Variants in AKAP19 observed in about 807,000 individuals in gnomAD.
AKAP19 encodes A-kinase anchoring protein 19, also known as small A-kinase anchoring protein.
the AKAP19 span, among the ~76,000 whole-genome samples, chr2:190,140,243 G>A: frequency 6.6e-6 from 1 of 152,132 alleles, no homozygotes; most frequent in Non-Finnish European, 1.5e-5. Flanking sequence ...GGCTGCTGTT[G>A]GGTGTCTGTG....
chr2:190,190,478 C>A, the AKAP19 span, among the ~76,000 whole-genome samples: 1 of 152,078 alleles, frequency 6.6e-6, no homozygotes, highest in African/African-American at 2.4e-5. Flanking sequence ...GGGTTGTTTC[C>A]AGCTTTGACT....
chr2:189,911,428 G>A, the AKAP19 span, among the ~76,000 whole-genome samples: 1 of 151,980 alleles, frequency 6.6e-6, no homozygotes, highest in Non-Finnish European at 1.5e-5. Context: ...AATTTTTCAA[G>A]CCACAGCTGT....
the AKAP19 span, among the ~76,000 whole-genome samples, chr2:190,025,667 G>A: frequency 1.1e-4 from 16 of 152,146 alleles, 1 homozygote; most frequent in Admixed American, 7.9e-4. Context: ...CCATTTCTGC[G>A]CAATACCAGA....
the AKAP19 span, among the ~76,000 whole-genome samples, chr2:190,114,055 T>C: frequency 1.8e-4 from 28 of 152,340 alleles, no homozygotes; most frequent in African/African-American, 6.3e-4. Context: ...TACTCTTAGG[T>C]TACTATACCA....
chr2:190,019,756 G>A, the AKAP19 span, among the ~76,000 whole-genome samples: 1 of 152,096 alleles, frequency 6.6e-6, no homozygotes, highest in African/African-American at 2.4e-5. Flanking sequence ...TAGAAACTGT[G>A]GGCCCAGGAT....
At chr2:190,158,909 C>T in the AKAP19 span, among the ~76,000 whole-genome samples, 1,505 of 152,304 alleles carry the variant, frequency 9.9e-3, 14 homozygotes, top group South Asian at 0.026. Context: ...GAAGGGCTAT[C>T]CTCAGGGGAG....
chr2:190,129,164 G>A, the AKAP19 span, among the ~76,000 whole-genome samples: 1 of 152,100 alleles, frequency 6.6e-6, no homozygotes, highest in South Asian at 2.1e-4. Context: ...TTTAATAGCT[G>A]TAGAGTACTC....
At chr2:189,880,444 A>G in the AKAP19 span, among the ~76,000 whole-genome samples, 43 of 152,308 alleles carry the variant, frequency 2.8e-4, no homozygotes, top group African/African-American at 9.9e-4. Context: ...GCCTTTCTCC[A>G]AAGATGATTT....
the AKAP19 span, among the ~76,000 whole-genome samples, chr2:190,139,249 A>G: frequency 6.6e-6 from 1 of 152,186 alleles, no homozygotes; most frequent in African/African-American, 2.4e-5. Flanking sequence ...TTAAAGTTAC[A>G]GTAGAAGGAT....
At chr2:190,120,428 G>A in the AKAP19 span, among the ~76,000 whole-genome samples, 1 of 152,180 alleles carries the variant, frequency 6.6e-6, no homozygotes, top group East Asian at 1.9e-4. Context: ...CAGTCTTAGA[G>A]ATATTTGATG....
chr2:189,920,122 C>T, the AKAP19 span, among the ~76,000 whole-genome samples: 1 of 152,192 alleles, frequency 6.6e-6, no homozygotes, highest in Admixed American at 6.5e-5. Context: ...ACCATATATT[C>T]TCAGTTTGGT....
At chr2:189,947,551 T>A in the AKAP19 span, among the ~76,000 whole-genome samples, 1 of 152,126 alleles carries the variant, frequency 6.6e-6, no homozygotes, top group South Asian at 2.1e-4. Flanking sequence ...CTGGATGTGA[T>A]CTTGGGCTAG....
chr2:190,042,971 T>C, the AKAP19 span, among the ~76,000 whole-genome samples: 1 of 152,232 alleles, frequency 6.6e-6, no homozygotes, highest in Non-Finnish European at 1.5e-5. Context: ...TGGCTGGATA[T>C]GAAATTTGTG....
At chr2:190,034,807 T>C in the AKAP19 span, among the ~76,000 whole-genome samples, 2 of 131,316 alleles carry the variant, frequency 1.5e-5, no homozygotes, top group Non-Finnish European at 3.1e-5. Context: ...TGAGCAGAGA[T>C]TGCACCACTG....
At chr2:190,086,141 A>G in the AKAP19 span, among the ~76,000 whole-genome samples, 1 of 152,226 alleles carries the variant, frequency 6.6e-6, no homozygotes, top group East Asian at 1.9e-4. Flanking sequence ...TAGTATAAGC[A>G]CATTGCGGAT....
At chr2:190,071,449 T>C in the AKAP19 span, among the ~76,000 whole-genome samples, 3,683 of 152,288 alleles carry the variant, frequency 0.024, 59 homozygotes, top group Non-Finnish European at 0.036. Flanking sequence ...TATAATATAG[T>C]ACAGTAACAT....
chr2:190,111,183 T>C, the AKAP19 span, among the ~76,000 whole-genome samples: 23 of 152,286 alleles, frequency 1.5e-4, 2 homozygotes, highest in South Asian at 4.6e-3. Context: ...AGGTTACCAG[T>C]TGACAGAGGC....
chr2:190,089,741 A>C, the AKAP19 span: 1 of 152,114 alleles, frequency 6.6e-6, no homozygotes, highest in Non-Finnish European at 1.5e-5. Context: ...GCAAAGTGTT[A>C]CTCCCGAAAA....
At chr2:190,199,926 T>A in the AKAP19 span, 1 of 1,613,958 alleles carries the variant, frequency 6.2e-7, no homozygotes, top group Non-Finnish European at 8.5e-7. Flanking sequence ...AGAAGCAGCA[T>A]GAGAGTGAAG....
Sources: gnomAD v4.1 joint callset for allele counts (sites outside exome capture counted in the v4.1 genomes callset) on GRCh38, gnomAD v4.1.1 for gene constraint, MANE v1.5 for transcripts, NCBI Gene and HGNC (gene_info 2026-07-23, HGNC 2026-07-21) for gene names.